Variants in BANK1 observed in about 807,000 individuals in gnomAD.
BANK1 encodes B cell scaffold protein with ankyrin repeats 1.
Under a neutral mutation model 94.5 loss-of-function variants are expected in BANK1, and 95 were observed. The observed-to-expected ratio is 1.00, with a 90% confidence interval of 0.85 to 1.19. The LOEUF is 1.19. Among genes scored for constraint, BANK1 ranks in the 50% most tolerant of loss-of-function variants. The pLI is 0.00. For missense variants in BANK1, 987 were observed against 932.2 expected (o/e 1.06, Z -0.77); for synonymous variants, 334 against 308.4 (o/e 1.08, Z -0.87).
intron 2 of BANK1, among the ~76,000 whole-genome samples, chr4:101,848,725 G>C (rs997188529): frequency 6.6e-6 from 1 of 152,164 alleles, no homozygotes; most frequent in Non-Finnish European, 1.5e-5. Context: ...AAACAAAACA[G>C]AACAAAACAA....
chr4:102,069,072 C>CA (rs889039607), intron 13 of BANK1, among the ~76,000 whole-genome samples: 41 of 151,208 alleles, frequency 2.7e-4, no homozygotes, highest in East Asian at 5.8e-4. Context: ...GGAATATAAG[C>CA]AAAAAAAATG....
chr4:102,072,361 C>A lies in BANK1; in HGVS notation c.2259C>A (p.His753Gln). ...VHHPGGKETAHNENKFYNVHF... is the reference protein window; with the variant it reads ...VHHPGGKETAQNENKFYNVHF... ...TATTTCTAGGTAAGGAAACTGCCCACAATGAAAATAAGTTTTATAATGTAC... is the reference window on the plus strand; with the variant it reads ...TATTTCTAGGTAAGGAAACTGCCCAAAATGAAAATAAGTTTTATAATGTAC... Residue 753 changes from histidine to glutamine, a missense_variant, in exon 15 of 17, where the codon CAC (histidine) becomes CAA (glutamine). His to Gln is a conservative substitution (Grantham distance 24). Transcript: ENST00000322953. The A allele has an allele frequency of 6.3e-7, 1 of 1,593,966 alleles. No homozygotes were observed. The highest frequency in any genetic ancestry group is 8.6e-7 in the Non-Finnish European group (1 of 1,162,836).
intron 7 of BANK1, among the ~76,000 whole-genome samples, chr4:101,989,774 G>A (rs1725640042): frequency 6.6e-6 from 1 of 151,998 alleles, no homozygotes; most frequent in South Asian, 2.1e-4. Flanking sequence ...TTATAAGAAT[G>A]CCAGAGACGT....
intron 7 of BANK1, among the ~76,000 whole-genome samples, chr4:101,967,296 A>G (rs1724797681): frequency 6.6e-6 from 1 of 152,062 alleles, no homozygotes; most frequent in African/African-American, 2.4e-5. Context: ...TGAGACATAG[A>G]CAGTCCAAGA....
intron 7 of BANK1, among the ~76,000 whole-genome samples, chr4:101,996,916 T>G (rs528313228): frequency 1.3e-5 from 2 of 152,164 alleles, no homozygotes; most frequent in Admixed American, 6.5e-5. Flanking sequence ...TTGAATACCC[T>G]TTTTTTCTTT....
intron 6 of BANK1, among the ~76,000 whole-genome samples, chr4:101,914,854 A>G (rs1288073593): frequency 1.3e-5 from 2 of 152,156 alleles, no homozygotes; most frequent in African/African-American, 4.8e-5. Flanking sequence ...GGGCCATTTT[A>G]AACAGCTAAT....
At chr4:101,953,399 T>G (rs1163467247) in intron 7 of BANK1, among the ~76,000 whole-genome samples, 2 of 152,118 alleles carry the variant, frequency 1.3e-5, no homozygotes, top group Admixed American at 1.3e-4. Context: ...GATCAGTAAA[T>G]ATCAAAATTA....
intron 10 of BANK1, among the ~76,000 whole-genome samples, chr4:102,040,356 A>ATTCT (rs1279299557): frequency 2.6e-5 from 4 of 152,072 alleles, no homozygotes; most frequent in Non-Finnish European, 4.4e-5. Context: ...GGAAATTTGT[A>ATTCT]TTCTTTGGGA....
intron 9 of BANK1, among the ~76,000 whole-genome samples, chr4:102,028,377 C>T (rs1444933993): frequency 6.6e-6 from 1 of 152,144 alleles, no homozygotes; most frequent in South Asian, 2.1e-4. Context: ...CTAGGCACAT[C>T]GGTAATTAAT....
At chr4:101,979,585 G>A (rs1459900488) in intron 7 of BANK1, among the ~76,000 whole-genome samples, 1 of 151,792 alleles carries the variant, frequency 6.6e-6, no homozygotes, top group Non-Finnish European at 1.5e-5. Flanking sequence ...TGCTATTTCA[G>A]TTAGATCACT....
At chr4:101,856,887 C>T (rs773304069) in intron 3 of BANK1, among the ~76,000 whole-genome samples, 29 of 151,974 alleles carry the variant, frequency 1.9e-4, no homozygotes, top group Non-Finnish European at 3.8e-4. Flanking sequence ...TAGTGCCAGC[C>T]CCACATTCTA....
At chr4:101,877,374 A>G (rs1183584141) in intron 5 of BANK1, among the ~76,000 whole-genome samples, 2 of 152,214 alleles carry the variant, frequency 1.3e-5, no homozygotes, top group Non-Finnish European at 2.9e-5. Context: ...ACACAGAGAA[A>G]CACAGAGAAC....
intron 7 of BANK1, among the ~76,000 whole-genome samples, chr4:101,942,006 A>G (rs552444785): frequency 3.9e-5 from 6 of 151,954 alleles, no homozygotes; most frequent in Admixed American, 3.3e-4. Flanking sequence ...CACTTCAGTA[A>G]TTGGACTTCA....
chr4:101,810,516 A>T (rs1299863828), intron 1 of BANK1, among the ~76,000 whole-genome samples: 1 of 152,242 alleles, frequency 6.6e-6, no homozygotes, highest in Non-Finnish European at 1.5e-5. Context: ...TGAAGAACAT[A>T]TCAATGTTAC....
intron 7 of BANK1, among the ~76,000 whole-genome samples, chr4:101,934,084 A>G (rs2851337): frequency 0.79 from 119,833 of 151,224 alleles, 48,373 homozygotes; most frequent in Non-Finnish European, 0.88. Flanking sequence ...ATGAAGACAA[A>G]AGATAAGGGT....
intron 5 of BANK1, among the ~76,000 whole-genome samples, chr4:101,871,594 A>C (rs1429408145): frequency 2.0e-5 from 3 of 152,176 alleles, no homozygotes; most frequent in Non-Finnish European, 4.4e-5. Context: ...ACATTAAGAC[A>C]GGTAGTGAAA....
intron 7 of BANK1, among the ~76,000 whole-genome samples, chr4:101,990,778 A>G (rs897836606): frequency 5.3e-5 from 8 of 152,192 alleles, no homozygotes; most frequent in African/African-American, 1.9e-4. Context: ...TCATCAAAAT[A>G]TAAGTTCTTT....
At chr4:101,791,001 G>T (rs1185946425) in intron 1 of BANK1, 51 bp downstream of exon 1, 5 of 1,386,922 alleles carry the variant, frequency 3.6e-6, no homozygotes, top group Non-Finnish European at 4.8e-6. Flanking sequence ...GGGCTACGGG[G>T]CTCTGCGGAG....
chr4:102,063,183 G>A (rs775737351), intron 13 of BANK1, 45 bp downstream of exon 13: 46 of 1,543,542 alleles, frequency 3.0e-5, no homozygotes, highest in Admixed American at 2.5e-4. Context: ...GAGTGATTAC[G>A]TTGAAAATTC....
Sources: allele counts gnomAD v4.1 joint callset (sites outside exome capture counted in the v4.1 genomes callset), GRCh38; gene constraint gnomAD v4.1.1; transcripts MANE v1.5; gene names NCBI Gene and HGNC (gene_info 2026-07-23, HGNC 2026-07-21).